Variants in CDH22 observed in about 807,000 individuals in gnomAD.
CDH22 encodes the protein cadherin 22.
A neutral mutation model predicts 58.4 loss-of-function variants in CDH22; 30 were observed. The observed-to-expected ratio is 0.51, with a 90% CI of 0.38 to 0.70. The LOEUF (loss-of-function observed/expected upper bound fraction) is 0.70, where lower values mean the gene tolerates loss of function less well. CDH22 is among the 30% of genes least tolerant of loss of function. The pLI, the probability that CDH22 is intolerant of heterozygous loss-of-function variation, is 0.00. For missense variants in CDH22, 1,014 were observed against 1,233.9 expected (o/e 0.82, Z 2.67); for synonymous variants, 513 against 558.2 (o/e 0.92, Z 1.14).
chr20:46,220,910 G>GT (rs1361699343), intron 4 of CDH22: 1 of 152,772 alleles, frequency 6.5e-6, no homozygotes, highest in Non-Finnish European at 1.5e-5. Flanking sequence ...ACACCTTCCG[G>GT]TATCCACGCC....
At position 46,210,667 on chromosome 20, in the gene CDH22, C is replaced by CTGGG; in HGVS notation, c.1033-108_1033-107insCCCA. ...GGGTTGGCCCAAGGTCACACGTTGT[C>CTGGG]TCAGCAGGGGCGGCAGGGATGTTTG... On this transcript the variant is annotated intron_variant, in intron 6 of 11. Transcript: ENST00000537909. This position sits in a 1 kb window ranked among gnomAD's most constrained non-coding sequence, Gnocchi z 4.5. The CTGGG allele has an allele frequency of 9.0e-7, 1 of 1,109,444 alleles. No individual in the cohort carries two copies. The highest frequency in any genetic ancestry group is 1.2e-6 in the Non-Finnish European group (1 of 824,024). The allele number at this position is 1,109,444 out of a possible 1,614,324, so 68.7% of individuals were successfully genotyped here.
At chr20:46,205,842 C>T (rs1313092296) in intron 7 of CDH22, among the ~76,000 whole-genome samples, 1 of 152,214 alleles carries the variant, frequency 6.6e-6, no homozygotes, top group African/African-American at 2.4e-5. Context: ...TCTCGCTGCT[C>T]CTGAACTTAA....
chr20:46,196,215 GA>G (rs1012465413), intron 8 of CDH22, among the ~76,000 whole-genome samples: 1 of 152,138 alleles, frequency 6.6e-6, no homozygotes, highest in Non-Finnish European at 1.5e-5. Context: ...GTAAAATGGG[GA>G]TAATAAGTTT....
chr20:46,255,469 C>T (rs1158320871), intron 1 of CDH22, among the ~76,000 whole-genome samples: 1 of 152,222 alleles, frequency 6.6e-6, no homozygotes, highest in Admixed American at 6.5e-5. Flanking sequence ...GAATGCAACC[C>T]AGTGTCGGAG....
chr20:46,267,728 T>G (rs1158529410), intron 1 of CDH22, among the ~76,000 whole-genome samples: 3 of 152,266 alleles, frequency 2.0e-5, no homozygotes, highest in African/African-American at 7.2e-5. Context: ...CACCTCAGTC[T>G]TTCCATCTGT....
rs112231330 is a variant in CDH22 at position 46,307,093 on chromosome 20, A to T, written c.-400+1162T>A. On this transcript the variant is annotated intron_variant, in intron 1 of 11. Transcript: ENST00000537909. Reference sequence around the variant, plus strand: ...GCCCCAGAAACCTGGGGAGTGCTGGAATCAGCCCCACGGAAAAAGAAGCTG... The same window carrying T: ...GCCCCAGAAACCTGGGGAGTGCTGGTATCAGCCCCACGGAAAAAGAAGCTG... 8.3e-4 allele frequency among the ~76,000 whole-genome samples: 127 copies of T among 152,330 alleles called. 1 individual carries two copies. The highest frequency in any genetic ancestry group is 3.0e-3 in the African/African-American group (123 of 41,586).
At chr20:46,223,727 C>CTTTCTTTTTCTTTCTTTCTCTT (rs144964967) in intron 4 of CDH22, among the ~76,000 whole-genome samples, 41 of 111,936 alleles carry the variant, frequency 3.7e-4, no homozygotes, top group East Asian at 1.0e-3. Context: ...TTCTTTCTTT[C>CTTTCTTTTTCTTTCTTTCTCTT]TCTTTCTTTC....
At chr20:46,264,850 C>T (rs1287401376) in intron 1 of CDH22, among the ~76,000 whole-genome samples, 2 of 148,508 alleles carry the variant, frequency 1.3e-5, no homozygotes, top group Admixed American at 6.6e-5. Flanking sequence ...ACACACACAC[C>T]GTGCACACAC....
chr20:46,195,053 A>G (rs2085889410), intron 8 of CDH22, among the ~76,000 whole-genome samples: 1 of 152,198 alleles, frequency 6.6e-6, no homozygotes, highest in Admixed American at 6.5e-5. Flanking sequence ...ATTAATAGTT[A>G]CCATTGTCAC....
In CDH22 at chr20:46,187,011, C is replaced by G. The variant is rs557376282; in HGVS notation, c.1424-64G>C. 152 of 1,496,232 alleles carry G rather than the reference C, an allele frequency of 1.0e-4. No individual in the cohort carries two copies. Among genetic ancestry groups the G allele is most frequent in the Admixed American group, 1.7e-4 (8 of 46,058 alleles). The allele number at this position is 1,496,232 out of a possible 1,614,324, so 92.7% of individuals were successfully genotyped here. A position where few individuals can be genotyped will look rare whatever the true frequency, so the allele number is the denominator to read the frequency against. On this transcript the variant is annotated intron_variant, in intron 8 of 11. Transcript: ENST00000537909. ...GTGGGAGATCTAGATAGCCTCCTCT[C>G]TACTATGAGGACAATAGTAGGCAGT...
intron 10 of CDH22, among the ~76,000 whole-genome samples, chr20:46,182,257 C>G (rs1274878774): frequency 6.6e-6 from 1 of 152,168 alleles, no homozygotes; most frequent in African/African-American, 2.4e-5. Flanking sequence ...ACTATTCTAG[C>G]CCCGGGGGAT....
Position 46,174,712 on chromosome 20 carries a change from C to T in CDH22, c.2281G>A (p.Asp761Asn). 1 of 1,555,998 alleles carries T rather than the reference C, an allele frequency of 6.4e-7. No individual in the cohort carries two copies. Among genetic ancestry groups the T allele is most frequent in the Non-Finnish European group, 8.6e-7 (1 of 1,158,556 alleles). The change falls in exon 12 of 12, where the codon GAC (aspartate) becomes AAC (asparagine). Residue 761 changes from aspartate to asparagine, a missense_variant. This residue lies in a region of CDH22 where 208 missense variants were observed against 195.2 expected (regional missense o/e 1.07). Transcript: ENST00000537909. This position sits in a 1 kb window ranked among gnomAD's most constrained non-coding sequence, Gnocchi z 4.4. The part of the protein sequence containing the change: ...ISRKVALADG[D>N]LSVPPYDAFQ... ...GCGTCGTAGGGCGGCACCGACAGGT[C>T]CCCGTCCGCCAGTGCCACCTTGCGG...
chr20:46,307,984 C>A (rs1215670778), intron 1 of CDH22, among the ~76,000 whole-genome samples: 2 of 151,644 alleles, frequency 1.3e-5, no homozygotes, highest in African/African-American at 4.8e-5. Context: ...GTTGTGGGGA[C>A]GGGTGGGAGC....
At chr20:46,187,475 T>C (rs1296685164) in intron 8 of CDH22, among the ~76,000 whole-genome samples, 1 of 151,598 alleles carries the variant, frequency 6.6e-6, no homozygotes, top group African/African-American at 2.4e-5. Flanking sequence ...ACCATCACCA[T>C]TAGAATTAGC....
chr20:46,189,718 A>G (rs1038892101), intron 8 of CDH22, among the ~76,000 whole-genome samples: 2 of 152,182 alleles, frequency 1.3e-5, no homozygotes, highest in Non-Finnish European at 2.9e-5. Context: ...AGAGTCTCAG[A>G]CCTAAGAGGT....
chr20:46,213,162 A>C lies in CDH22; in HGVS notation c.865T>G (p.Ser289Ala), dbSNP rs774238112. ...CCCACAGCCGTTCCAATGGGGGCTG[A>C]CTCCTGGATGCTGAACTGGTACATC... is the stretch of plus-strand genomic sequence containing the variant. ...QKMYQFSIQE[S>A]APIGTAVGRV... Residue 289 changes from serine (S) to alanine (A), a missense_variant, in exon 6 of 12, where the codon TCA becomes GCA. Transcript: ENST00000537909. 6.2e-7 allele frequency: 1 copy of C among 1,613,306 alleles called. No homozygotes were observed. The highest frequency in any genetic ancestry group is 8.5e-7 in the Non-Finnish European group (1 of 1,179,810).
At position 46,278,730 on chromosome 20, in the gene CDH22, C is replaced by T. The variant is rs541783173; in HGVS notation, c.-399-27037G>A. On this transcript the variant is annotated intron_variant, in intron 1 of 11. Coordinates refer to ENST00000537909, the MANE Select transcript of CDH22 (RefSeq NM_021248.3). ...TCCCAAGTAACTAGGACTACAAGTGCGTGCCACCACACCTGGCTATTAAAC... is the reference window on the plus strand; with the variant it reads ...TCCCAAGTAACTAGGACTACAAGTGTGTGCCACCACACCTGGCTATTAAAC... Among the ~76,000 whole-genome samples, 7 of 152,176 alleles carry T rather than the reference C, an allele frequency of 4.6e-5. No individual in the cohort carries two copies. In the East Asian group the frequency reaches 5.8e-4, roughly 13 times the overall value.
At chr20:46,295,893 A>G (rs2086626775) in intron 1 of CDH22, among the ~76,000 whole-genome samples, 1 of 152,146 alleles carries the variant, frequency 6.6e-6, no homozygotes, top group Admixed American at 6.5e-5. Context: ...CTCTGAAGTA[A>G]CTGGGATTAC....
chr20:46,186,475 T>C (rs1221648519), intron 10 of CDH22, 113 bp downstream of exon 10: 1 of 760,570 alleles, frequency 1.3e-6, no homozygotes, highest in African/African-American at 1.7e-5. Context: ...TTCCATGTGA[T>C]CTTAGATCCA....
Sources: gnomAD v4.1 joint callset for allele counts (sites outside exome capture counted in the v4.1 genomes callset) on GRCh38, gnomAD v4.1.1 for gene constraint, gnomAD v4.1.1 regional missense constraint, Gnocchi (gnomAD v3.1) non-coding constraint, MANE v1.5 for transcripts, NCBI Gene and HGNC (gene_info 2026-07-23, HGNC 2026-07-21) for gene names.